TCF12: variants seen among roughly 807,000 people sequenced by gnomAD.
The protein encoded by TCF12 is DNA-binding protein HTF4.
TCF12 carries 45 observed loss-of-function variants against 86.0 expected under a neutral mutation model. The observed-to-expected ratio is 0.52, with a 90% CI of 0.41 to 0.67. The LOEUF (loss-of-function observed/expected upper bound fraction) is 0.67. Ranked by LOEUF, TCF12 falls within the 30% of genes least tolerant of loss-of-function variation. The pLI is 0.00. For synonymous variants in TCF12, 330 were observed against 299.6 expected, an observed-to-expected ratio of 1.10 and a Z score of -1.05; for missense variants, 881 against 859.9, an observed-to-expected ratio of 1.02 and a Z score of -0.31.
intron 3 of TCF12, among the ~76,000 whole-genome samples, chr15:57,000,849 C>A (rs2141047631): frequency 6.6e-6 from 1 of 151,980 alleles, no homozygotes; most frequent in South Asian, 2.1e-4. Flanking sequence ...GCTCCTATTT[C>A]TTCATTTTAG....
At chr15:57,166,518 A>G (rs1345899369) in intron 6 of TCF12, 52 bp downstream of exon 6, 1 of 1,479,676 alleles carries the variant, frequency 6.8e-7, no homozygotes, top group Non-Finnish European at 9.3e-7. Flanking sequence ...ACACATAAAT[A>G]AAGGCTCTAT....
intron 3 of TCF12, among the ~76,000 whole-genome samples, chr15:57,024,405 G>A (rs142465698): frequency 2.3e-3 from 348 of 152,030 alleles, no homozygotes; most frequent in African/African-American, 8.0e-3. Flanking sequence ...GTAGAGATGT[G>A]GTTTCACCAT....
chr15:57,018,849 G>C lies in TCF12; in HGVS notation c.149-44901G>C, dbSNP rs532380967. 3.3e-5 allele frequency among the ~76,000 whole-genome samples: 5 copies of C among 152,302 alleles called. No individual in the cohort carries two copies. In the South Asian group the frequency reaches 1.0e-3, roughly 32 times the overall value. The stretch of plus-strand genomic sequence containing the variant: ...TGAAACAATAATAACAAAAGTTATT[G>C]CTTTGGATGTTGATGAGCCACGCTA... On this transcript the variant is annotated intron_variant, in intron 3 of 20. Transcript: ENST00000333725.
rs921846069 is a variant in TCF12, at chr15:57,265,935, C to G, written c.1745+2661C>G. On this transcript the variant is annotated intron_variant, in intron 18 of 20. Transcript: ENST00000333725. ...AGCTCCAGTATAATAAGACCACTGT[C>G]ATGTATGTAGTCCCTCATTGACTGA... Among the ~76,000 whole-genome samples the G allele has an allele frequency of 4.6e-5, 7 of 152,206 alleles. No homozygotes were observed. In the South Asian group the frequency reaches 1.5e-3, roughly 32 times the overall value.
chr15:57,233,842 C>T (rs1450418419), intron 11 of TCF12, among the ~76,000 whole-genome samples: 1 of 152,120 alleles, frequency 6.6e-6, no homozygotes, highest in African/African-American at 2.4e-5. Flanking sequence ...AGACAAGAAG[C>T]TTTTTTATTA....
At chr15:57,008,344 A>G (rs2141133248) in intron 3 of TCF12, among the ~76,000 whole-genome samples, 1 of 149,108 alleles carries the variant, frequency 6.7e-6, no homozygotes, top group East Asian at 2.0e-4. Flanking sequence ...ATATATGGTA[A>G]CTCCACTCAC....
intron 18 of TCF12, among the ~76,000 whole-genome samples, chr15:57,264,298 T>C (rs182615522): frequency 1.5e-5 from 2 of 134,918 alleles, no homozygotes; most frequent in Admixed American, 1.8e-4. Context: ...CCTCCCAGGT[T>C]CAAGTGATTC....
chr15:57,011,478 C>CCACCCCT (rs2064826587), intron 3 of TCF12, among the ~76,000 whole-genome samples: 1 of 152,108 alleles, frequency 6.6e-6, no homozygotes, highest in Non-Finnish European at 1.5e-5. Context: ...AACCGTGAGC[C>CCACCCCT]AATTAAACCT....
chr15:57,121,308 T>A (rs1267787976), intron 5 of TCF12, among the ~76,000 whole-genome samples: 1 of 152,206 alleles, frequency 6.6e-6, no homozygotes, highest in Non-Finnish European at 1.5e-5. Flanking sequence ...ATGAATTCGG[T>A]TCACTCTGAA....
chr15:57,230,660 C>T (rs1278161736), intron 8 of TCF12, among the ~76,000 whole-genome samples: 8 of 151,948 alleles, frequency 5.3e-5, no homozygotes, highest in Admixed American at 4.6e-4. Context: ...TTGTGTTGTG[C>T]CTTTGATAGT....
intron 8 of TCF12, among the ~76,000 whole-genome samples, chr15:57,217,133 C>T (rs1222014571): frequency 6.6e-6 from 1 of 151,920 alleles, no homozygotes; most frequent in Non-Finnish European, 1.5e-5. Context: ...TTTAGGAGAA[C>T]AATGAAAAGT....
intron 5 of TCF12, among the ~76,000 whole-genome samples, chr15:57,103,859 T>A (rs186772772): frequency 6.6e-6 from 1 of 152,038 alleles, no homozygotes; most frequent in Non-Finnish European, 1.5e-5. Context: ...ACAAAAAAAA[T>A]TAGCTGGGCG....
chr15:56,998,785 T>G (rs2063855403), intron 3 of TCF12, among the ~76,000 whole-genome samples: 1 of 152,184 alleles, frequency 6.6e-6, no homozygotes, highest in Admixed American at 6.5e-5. Context: ...ATCTCGGTCT[T>G]AATACAAACC....
intron 7 of TCF12, among the ~76,000 whole-genome samples, chr15:57,194,740 A>C (rs1186211134): frequency 2.0e-5 from 3 of 152,160 alleles, no homozygotes; most frequent in Admixed American, 2.0e-4. Flanking sequence ...AGCGTCTTTC[A>C]CGTATTATCA....
chr15:56,941,225 G>T (rs190361097), intron 3 of TCF12, among the ~76,000 whole-genome samples: 3 of 152,070 alleles, frequency 2.0e-5, no homozygotes, highest in Admixed American at 1.3e-4. Flanking sequence ...AATTAGCCAG[G>T]TGTGGTGGCA....
intron 3 of TCF12, among the ~76,000 whole-genome samples, chr15:57,048,564 TC>T (rs2067395627): frequency 6.6e-6 from 1 of 152,150 alleles, no homozygotes; most frequent in Admixed American, 6.5e-5. Flanking sequence ...CCCAGCCTCC[TC>T]CACTGAAGTT....
At chr15:57,208,809 G>T (rs1447829859) in intron 8 of TCF12, among the ~76,000 whole-genome samples, 1 of 151,996 alleles carries the variant, frequency 6.6e-6, no homozygotes, top group African/African-American at 2.4e-5. Flanking sequence ...CTGGGCTCAA[G>T]CAGAGAGGCA....
At chr15:57,036,723 T>C (rs542743548) in intron 3 of TCF12, among the ~76,000 whole-genome samples, 1 of 152,358 alleles carries the variant, frequency 6.6e-6, no homozygotes, top group Admixed American at 6.5e-5. Flanking sequence ...GTTATATTTC[T>C]TTATAAAATA....
chr15:56,981,869 T>G (rs184972688), intron 3 of TCF12, among the ~76,000 whole-genome samples: 4 of 152,322 alleles, frequency 2.6e-5, no homozygotes, highest in African/African-American at 9.6e-5. Flanking sequence ...CTCATAAAGA[T>G]CTTCATCATT....
Sources: allele counts gnomAD v4.1 joint callset (sites outside exome capture counted in the v4.1 genomes callset), GRCh38; gene constraint gnomAD v4.1.1; transcripts MANE v1.5; gene names NCBI Gene and HGNC (gene_info 2026-07-23, HGNC 2026-07-21).